Variants in CARD8 observed in about 807,000 individuals in gnomAD.
The protein encoded by CARD8 is caspase recruitment domain-containing protein 8.
Under a neutral mutation model 53.2 loss-of-function variants are expected in CARD8, and 38 were observed. The ratio of observed to expected loss-of-function variants is 0.71; its 90% CI spans 0.55 to 0.94. CARD8 has a LOEUF of 0.94. Among genes scored for constraint, CARD8 ranks in the 40% least tolerant of loss-of-function variants. The pLI is 0.00. For synonymous variants in CARD8, 245 were observed against 244.9 expected (o/e 1.00, Z 0.00); for missense variants, 561 against 655.5 (o/e 0.86, Z 1.57).
intron 1 of CARD8, among the ~76,000 whole-genome samples, chr19:48,250,066 T>C (rs1379142251): frequency 6.6e-6 from 1 of 152,228 alleles, no homozygotes; most frequent in Admixed American, 6.5e-5. Flanking sequence ...GTTTGTGTTG[T>C]TAATACTAAT....
chr19:48,231,934 G>A (rs983560360), intron 7 of CARD8, 124 bp from the exon 8 acceptor site: 1 of 834,238 alleles, frequency 1.2e-6, no homozygotes, highest in South Asian at 1.4e-5. Context: ...AGCTGAGAGT[G>A]ACCAGAATAT....
chr19:48,205,629 A>G (rs578098420), downstream of CARD8, among the ~76,000 whole-genome samples: 1 of 152,314 alleles, frequency 6.6e-6, no homozygotes, highest in Admixed American at 6.5e-5. Context: ...CCTATGAGGT[A>G]GCGTTACTGT....
rs1425507878 is a variant in CARD8 at position 48,209,890 on chromosome 19, T to C, written c.*1820A>G. 6.6e-6 allele frequency: 1 copy of C among 152,336 alleles called. No homozygotes were observed. The highest frequency in any genetic ancestry group is 2.4e-5 in the African/African-American group (1 of 41,460). The allele number at this position is 152,336 out of a possible 1,614,324, so 9.4% of individuals were successfully genotyped here. On this transcript the variant is annotated 3_prime_UTR_variant, in exon 14 of 14. Coordinates refer to ENST00000651546, the MANE Select transcript of CARD8 (RefSeq NM_001184900.3). ...TCTTATTTTGAAGGCCTTCTGGGCA[T>C]ATAAGCTATTGGAACTTGTCATCAC...
intron 3 of CARD8, among the ~76,000 whole-genome samples, chr19:48,242,971 T>C (rs530778281): frequency 1.3e-5 from 2 of 152,294 alleles, no homozygotes; most frequent in Admixed American, 6.5e-5. Context: ...ATTGTGATTT[T>C]TGAAGATTAA....
intron 6 of CARD8, chr19:48,233,851 A>C (rs1163084743): frequency 0.01 from 1,684 of 161,116 alleles, 34 homozygotes; most frequent in African/African-American, 0.039. Context: ...ATTTTTCTAC[A>C]CTTTTCAGCA....
chr19:48,224,711 G>A (rs1424934406), intron 10 of CARD8, among the ~76,000 whole-genome samples: 1 of 151,558 alleles, frequency 6.6e-6, no homozygotes, highest in East Asian at 1.9e-4. Context: ...CATTCAATGG[G>A]TCAACAAAAT....
chr19:48,226,088 C>A (rs1235983659), intron 10 of CARD8, among the ~76,000 whole-genome samples: 5 of 149,402 alleles, frequency 3.3e-5, no homozygotes, highest in Admixed American at 2.0e-4. Context: ...GGCCTCTAGG[C>A]CATAGTAAAT....
At chr19:48,206,322 A>G (rs893754902), downstream of CARD8, 1 of 398,842 alleles carries the variant, frequency 2.5e-6, no homozygotes, top group Admixed American at 2.8e-5. Context: ...AGCTAGCCAC[A>G]TGTGGGTGCA....
At position 48,211,680 on chromosome 19, in the gene CARD8, C is replaced by A; in HGVS notation, c.*30G>T. The A allele has an allele frequency of 6.3e-7, 1 of 1,598,758 alleles. No individual in the cohort carries two copies. The highest frequency in any genetic ancestry group is 8.5e-7 in the Non-Finnish European group (1 of 1,170,570). On this transcript the variant is annotated 3_prime_UTR_variant, in exon 14 of 14. Coordinates refer to ENST00000651546, the MANE Select transcript of CARD8 (RefSeq NM_001184900.3). The stretch of plus-strand genomic sequence containing the variant: ...CCATTTCCAATGAGAACGCTGGATT[C>A]TCTCTTCCAGACTACCTAACTGACT...
intron 12 of CARD8, among the ~76,000 whole-genome samples, chr19:48,216,023 C>A (rs140844357): frequency 2.6e-4 from 40 of 151,808 alleles, no homozygotes; most frequent in Admixed American, 7.9e-4. Flanking sequence ...TGAGGTCTCA[C>A]AATTGAGTTT....
rs1180146619 is a variant in CARD8 at position 48,230,865 on chromosome 19, C to G, written c.684G>C (p.Trp228Cys). The G allele has an allele frequency of 6.2e-7, 1 of 1,614,098 alleles. No homozygotes were observed. Among genetic ancestry groups the G allele is most frequent in the African/African-American group, 1.3e-5 (1 of 74,936 alleles). The stretch of plus-strand genomic sequence containing the variant: ...CATCAAACAAGGGGCCGCCCACCAG[C>G]CACTGTTCATGGTGCTGCAGGTCCA... The part of the protein sequence containing the change: ...LALDLQHHEQ[W>C]LVGGPLFDVT... The change falls in exon 9 of 14, where the codon TGG becomes TGC. Residue 228 changes from tryptophan (W) to cysteine (C), a missense_variant. Trp to Cys is a radical substitution (Grantham distance 215). Transcript: ENST00000651546.
In CARD8 at chr19:48,221,774, TG is replaced by T; in HGVS notation, c.1116del (p.Ser373ValfsTer10). 1 of 1,608,932 alleles carries T rather than the reference TG, an allele frequency of 6.2e-7. No individual in the cohort carries two copies. The highest frequency in any genetic ancestry group is 8.5e-7 in the Non-Finnish European group (1 of 1,176,256). On this transcript the variant is annotated frameshift_variant, in exon 11 of 14. Transcript: ENST00000651546. LOFTEE classifies it high-confidence loss of function. ...SPPMEPLNFG[S>X]SYIVSNSANL... The stretch of plus-strand genomic sequence containing the variant: ...TTAGCAGAATTAGACACAATATAAC[TG>T]GAACCAAAGTTCAGGGGTTCCATTG...
At chr19:48,224,392 C>T (rs755206644) in intron 10 of CARD8, among the ~76,000 whole-genome samples, 25 of 152,248 alleles carry the variant, frequency 1.6e-4, no homozygotes, top group Non-Finnish European at 3.1e-4. Flanking sequence ...TATTTATGTG[C>T]TTCCCTTCAT....
rs116721230 is a variant in CARD8, at chr19:48,208,210, C to T, written c.*3500G>A. 8 of 152,092 alleles carry T rather than the reference C, an allele frequency of 5.3e-5. No individual in the cohort carries two copies. Among genetic ancestry groups the T allele is most frequent in the African/African-American group, 1.9e-4 (8 of 41,492 alleles). 9.4% of individuals were successfully genotyped at this position (152,092 alleles called of 1,614,324 possible). A position where few individuals can be genotyped will look rare whatever the true frequency, so the allele number is the denominator to read the frequency against. On this transcript the variant is annotated 3_prime_UTR_variant, in exon 14 of 14. Coordinates refer to ENST00000651546, the MANE Select transcript of CARD8 (RefSeq NM_001184900.3). ...TAAGGTATAGACAACTGCAAAATTC[C>T]ACTGTCCTTACGATCACAATCATGA... is the stretch of plus-strand genomic sequence containing the variant.
intron 12 of CARD8, among the ~76,000 whole-genome samples, 192 bp downstream of exon 12, chr19:48,218,679 C>T (rs893996504): frequency 6.6e-6 from 1 of 152,066 alleles, no homozygotes; most frequent in African/African-American, 2.4e-5. Context: ...TAGATGTTCT[C>T]CCTTCCCACA....
At chr19:48,221,002 G>GAGAAAA (rs2040487339) in intron 11 of CARD8, among the ~76,000 whole-genome samples, 1 of 106,186 alleles carries the variant, frequency 9.4e-6, no homozygotes, top group Non-Finnish European at 2.1e-5. Flanking sequence ...AGGAAAGAAA[G>GAGAAAA]AAAGAAAAAG....
chr19:48,226,779 T>C (rs1282735842), intron 10 of CARD8, among the ~76,000 whole-genome samples: 2 of 151,772 alleles, frequency 1.3e-5, no homozygotes, highest in Non-Finnish European at 2.9e-5. Flanking sequence ...AGTTATGCTA[T>C]GAAAATGAAA....
intron 5 of CARD8, among the ~76,000 whole-genome samples, chr19:48,234,842 A>G (rs985381045): frequency 1.3e-4 from 20 of 152,224 alleles, no homozygotes; most frequent in Non-Finnish European, 2.4e-4. Context: ...CATTGGTTTC[A>G]TAATAGGTCA....
At chr19:48,254,735 T>C (rs1401212804) in intron 1 of CARD8, among the ~76,000 whole-genome samples, 1 of 152,134 alleles carries the variant, frequency 6.6e-6, no homozygotes, top group Non-Finnish European at 1.5e-5. Context: ...GAGTCACTTA[T>C]GTTAAGATAA....
Sources: gnomAD v4.1 joint callset for allele counts (sites outside exome capture counted in the v4.1 genomes callset) on GRCh38, gnomAD v4.1.1 for gene constraint, MANE v1.5 for transcripts, NCBI Gene and HGNC (gene_info 2026-07-23, HGNC 2026-07-21) for gene names.